INPP4A: variants seen among roughly 807,000 people sequenced by gnomAD.
INPP4A encodes the protein inositol polyphosphate-4-phosphatase, type I, 107kD.
INPP4A carries 33 observed loss-of-function variants against 119.8 expected under a neutral mutation model. The observed-to-expected ratio is 0.28, with a 90% confidence interval of 0.21 to 0.37. The LOEUF (loss-of-function observed/expected upper bound fraction) is 0.37. INPP4A is among the 10% of genes least tolerant of loss of function. The pLI is 1.00. For synonymous variants in INPP4A, 496 were observed against 500.7 expected, an observed-to-expected ratio of 0.99 and a Z score of 0.12; for missense variants, 956 against 1,289.9, an observed-to-expected ratio of 0.74 and a Z score of 3.97.
At chr2:98,579,682 G>A (rs1026117737) in intron 24 of INPP4A, among the ~76,000 whole-genome samples, 1 of 152,182 alleles carries the variant, frequency 6.6e-6, no homozygotes, top group Non-Finnish European at 1.5e-5. Context: ...AGGGCCCTGG[G>A]GCCTGGCAAA....
intron 1 of INPP4A, among the ~76,000 whole-genome samples, chr2:98,465,613 G>A (rs1391702489): frequency 6.6e-6 from 1 of 152,164 alleles, no homozygotes; most frequent in African/African-American, 2.4e-5. Context: ...GCTTAATGAG[G>A]AAGCTGAGGC....
chr2:98,459,542 A>T (rs146838308), intron 1 of INPP4A, among the ~76,000 whole-genome samples: 1 of 152,154 alleles, frequency 6.6e-6, no homozygotes, highest in Non-Finnish European at 1.5e-5. Context: ...CAAGTGTTAG[A>T]TTCTACTTTA....
At chr2:98,508,327 T>C (rs1684473357) in intron 1 of INPP4A, among the ~76,000 whole-genome samples, 1 of 152,132 alleles carries the variant, frequency 6.6e-6, no homozygotes, top group Non-Finnish European at 1.5e-5. Context: ...CCAGCCTGCT[T>C]TGGGGTTTAG....
chr2:98,583,017 AC>A (rs1285314280), intron 24 of INPP4A, among the ~76,000 whole-genome samples: 1 of 152,054 alleles, frequency 6.6e-6, no homozygotes, highest in Non-Finnish European at 1.5e-5. Context: ...TACGCCAGAC[AC>A]AGAAAGATCA....
chr2:98,560,220 G>C (rs1483844569), intron 17 of INPP4A, among the ~76,000 whole-genome samples: 1 of 152,176 alleles, frequency 6.6e-6, no homozygotes, highest in African/African-American at 2.4e-5. Context: ...ATGATTTGAT[G>C]TTCTTTTTCT....
chr2:98,585,524 C>T (rs532232645), intron 24 of INPP4A, among the ~76,000 whole-genome samples: 1 of 152,332 alleles, frequency 6.6e-6, no homozygotes, highest in South Asian at 2.1e-4. Flanking sequence ...AGGTGTCCTG[C>T]CTTAGGGCAG....
At chr2:98,507,969 C>T (rs1281768506) in intron 1 of INPP4A, among the ~76,000 whole-genome samples, 1 of 152,166 alleles carries the variant, frequency 6.6e-6, no homozygotes, top group African/African-American at 2.4e-5. Flanking sequence ...ACTGCATCCC[C>T]TGGGTTGAGG....
intron 16 of INPP4A, 178 bp downstream of exon 16, chr2:98,555,986 T>A (rs1694425179): frequency 1.5e-6 from 1 of 684,278 alleles, no homozygotes; most frequent in South Asian, 2.3e-5. Context: ...GAGTCTCCGG[T>A]TGCCTTTCCA....
intron 4 of INPP4A, among the ~76,000 whole-genome samples, chr2:98,528,601 A>T (rs1688611405): frequency 6.6e-6 from 1 of 152,242 alleles, no homozygotes; most frequent in South Asian, 2.1e-4. Flanking sequence ...TCCACACTTG[A>T]TACATCATAC....
At chr2:98,522,548 G>C (rs1687417572) in intron 4 of INPP4A, among the ~76,000 whole-genome samples, 1 of 152,042 alleles carries the variant, frequency 6.6e-6, no homozygotes, top group Non-Finnish European at 1.5e-5. Flanking sequence ...AATTTTGAGA[G>C]TAAATCCAGA....
At chr2:98,485,040 C>T (rs1368849278) in intron 1 of INPP4A, among the ~76,000 whole-genome samples, 1 of 151,472 alleles carries the variant, frequency 6.6e-6, no homozygotes, top group African/African-American at 2.4e-5. Context: ...CCTCTTGAAG[C>T]GAACAGAGTG....
Position 98,577,100 on chromosome 2 carries a change from A to G in INPP4A, c.2743A>G (p.Met915Val), listed in dbSNP as rs2106489026. The change falls in exon 24 of 25, where the codon ATG becomes GTG. Residue 915 changes from methionine to valine, a missense_variant. This residue lies in a region of INPP4A where 304 missense variants were observed against 492.1 expected (regional missense o/e 0.62). Transcript: ENST00000409851. The stretch of plus-strand genomic sequence containing the variant: ...CCTGATCCTGCAACACGAGCATGGC[A>G]TGGCCCCGCAGGTCTTCACCCAGGC... Reference protein sequence around the residue: ...QCLILQHEHGMAPQVFTQALE... With the variant: ...QCLILQHEHGVAPQVFTQALE... The G allele has an allele frequency of 6.2e-7, 1 of 1,613,760 alleles. No homozygotes were observed. The highest frequency in any genetic ancestry group is 1.3e-5 in the African/African-American group (1 of 75,054).
At chr2:98,561,262 G>A (rs1284791045) in intron 17 of INPP4A, among the ~76,000 whole-genome samples, 1 of 152,176 alleles carries the variant, frequency 6.6e-6, no homozygotes, top group Non-Finnish European at 1.5e-5. Context: ...GTGGGTCAGC[G>A]ACGTCACTCA....
At chr2:98,580,500 C>T (rs778206899) in intron 24 of INPP4A, among the ~76,000 whole-genome samples, 6 of 152,244 alleles carry the variant, frequency 3.9e-5, no homozygotes, top group Non-Finnish European at 7.3e-5. Context: ...TTCCTGTCCC[C>T]AGTCCTGGGG....
chr2:98,514,340 T>C (rs1457850460), intron 1 of INPP4A, among the ~76,000 whole-genome samples: 3 of 152,206 alleles, frequency 2.0e-5, no homozygotes, highest in East Asian at 3.8e-4. Flanking sequence ...TGAGGTATTC[T>C]TAGAATCTCT....
In INPP4A at chr2:98,593,461, T is replaced by C. The variant is rs1269509912; in HGVS notation, c.*5853T>C. Reference sequence around the variant, plus strand: ...CCACCTGCCACTAATGGCGTGGTGTTCTCCTGGGTTCCCTTTCTCACTTAA... The same window carrying C: ...CCACCTGCCACTAATGGCGTGGTGTCCTCCTGGGTTCCCTTTCTCACTTAA... On this transcript the variant is annotated 3_prime_UTR_variant, in exon 25 of 25. Coordinates refer to ENST00000409851, the MANE Select transcript of INPP4A (RefSeq NM_001134225.2). The C allele has an allele frequency of 5.3e-5, 8 of 152,380 alleles. No homozygotes were observed. Among genetic ancestry groups the C allele is most frequent in the Non-Finnish European group, 1.0e-4 (7 of 68,080 alleles). 9.4% of individuals were successfully genotyped at this position (152,380 alleles called of 1,614,324 possible). A position where few individuals can be genotyped will look rare whatever the true frequency, so the allele number is the denominator to read the frequency against.
intron 1 of INPP4A, among the ~76,000 whole-genome samples, chr2:98,485,887 A>G (rs956204060): frequency 6.6e-6 from 1 of 152,214 alleles, no homozygotes; most frequent in African/African-American, 2.4e-5. Context: ...ATTTTTCTTC[A>G]TAAACATTAA....
chr2:98,532,753 G>A (rs1689479180), intron 4 of INPP4A, among the ~76,000 whole-genome samples: 1 of 152,148 alleles, frequency 6.6e-6, no homozygotes, highest in African/African-American at 2.4e-5. Flanking sequence ...GGATGGCTAT[G>A]ACATCCCTAG....
intron 4 of INPP4A, among the ~76,000 whole-genome samples, chr2:98,524,998 G>A (rs912960022): frequency 2.0e-5 from 3 of 152,158 alleles, no homozygotes; most frequent in Admixed American, 1.3e-4. Context: ...TGCTCACTGG[G>A]TCTTTGCTTA....
Sources: allele counts gnomAD v4.1 joint callset (sites outside exome capture counted in the v4.1 genomes callset), GRCh38; gene constraint gnomAD v4.1.1; regional missense constraint gnomAD v4.1.1; transcripts MANE v1.5; gene names NCBI Gene and HGNC (gene_info 2026-07-23, HGNC 2026-07-21).